Variants in GBE1 observed in about 807,000 individuals in gnomAD.
GBE1 encodes the protein 1,4-alpha-glucan branching enzyme 1.
Under a neutral mutation model 88.8 loss-of-function variants are expected in GBE1, and 70 were observed. That is an observed-to-expected ratio of 0.79 (90% CI 0.65 to 0.96). The LOEUF is 0.96. Among genes scored for constraint, GBE1 ranks in the 40% least tolerant of loss-of-function variants. The probability of loss-of-function intolerance (pLI) is 0.00; values close to 1 mark genes in which losing one functional copy is unlikely to be tolerated. For synonymous variants in GBE1, 284 were observed against 300.1 expected (o/e 0.95, Z 0.56); for missense variants, 872 against 871.0 (o/e 1.00, Z -0.01).
Position 81,638,499 on chromosome 3 carries a change from C to T in GBE1, c.992+4282G>A, listed in dbSNP as rs888441031. ...ATGTAGTGCCAGAGGAATATGCAAACAGAATTTAAAACTGGGACCACTACA... is the reference window on the plus strand; with the variant it reads ...ATGTAGTGCCAGAGGAATATGCAAATAGAATTTAAAACTGGGACCACTACA... On this transcript the variant is annotated intron_variant, in intron 7 of 15. Transcript: ENST00000429644. 5.3e-5 allele frequency among the ~76,000 whole-genome samples: 8 copies of T among 152,184 alleles called. No homozygotes were observed. The South Asian group carries it at 1.5e-3, about 28-fold the overall frequency.
intron 6 of GBE1, among the ~76,000 whole-genome samples, chr3:81,643,444 T>A (rs184088730): frequency 3.3e-5 from 5 of 152,214 alleles, no homozygotes; most frequent in East Asian, 1.9e-4. Flanking sequence ...AAAAACAGAA[T>A]GCCCACAGTT....
intron 14 of GBE1, among the ~76,000 whole-genome samples, chr3:81,519,130 A>G (rs1702837858): frequency 6.6e-6 from 1 of 151,636 alleles, no homozygotes; most frequent in Non-Finnish European, 1.5e-5. Context: ...TAAACCAAGC[A>G]ACTCATAGCA....
intron 2 of GBE1, 129 bp from the exon 3 acceptor site, chr3:81,671,082 T>G (rs1010906928): frequency 4.3e-6 from 2 of 463,170 alleles, no homozygotes; most frequent in Non-Finnish European, 7.5e-6. Context: ...TTTTCTGAAG[T>G]GTTAATCAAA....
intron 2 of GBE1, among the ~76,000 whole-genome samples, chr3:81,686,853 ATTC>A (rs1705449986): frequency 6.6e-6 from 1 of 152,202 alleles, no homozygotes. Flanking sequence ...AAATCTTCTC[ATTC>A]TTATTACGTA....
intron 12 of GBE1, among the ~76,000 whole-genome samples, chr3:81,559,200 A>C (rs908923017): frequency 1.3e-5 from 2 of 152,030 alleles, no homozygotes; most frequent in Admixed American, 1.3e-4. Context: ...ACAAAGTAGA[A>C]CATTTAGTAA....
chr3:81,747,942 A>G (rs535604879), intron 1 of GBE1, among the ~76,000 whole-genome samples: 1 of 152,324 alleles, frequency 6.6e-6, no homozygotes, highest in African/African-American at 2.4e-5. Flanking sequence ...TTTATTGCTC[A>G]CACAAAGCCT....
intron 1 of GBE1, among the ~76,000 whole-genome samples, chr3:81,757,274 G>A (rs1706615891): frequency 6.6e-6 from 1 of 152,116 alleles, no homozygotes; most frequent in Non-Finnish European, 1.5e-5. Flanking sequence ...AAGGTCAACA[G>A]GGACCAGATA....
At position 81,670,924 on chromosome 3, in the gene GBE1, T is replaced by C. The variant is rs1705180182; in HGVS notation, c.343A>G (p.Lys115Glu). The change falls in exon 3 of 16, where the codon AAA becomes GAA. Residue 115 changes from lysine (K) to glutamate (E), a missense_variant. Lys to Glu is a moderately conservative substitution (Grantham distance 56). Transcript: ENST00000429644. ...NGWNPFSYPY[K>E]KLDYGKWELY... Reference sequence around the variant, plus strand: ...TCCCATTTTCCATAATCCAGTTTTTTGTATGGGTACGAAAATGGATTCCAA... The same window carrying C: ...TCCCATTTTCCATAATCCAGTTTTTCGTATGGGTACGAAAATGGATTCCAA... 5 of 1,571,408 alleles carry C rather than the reference T, an allele frequency of 3.2e-6. No individual in the cohort carries two copies. Among genetic ancestry groups the C allele is most frequent in the South Asian group, 1.2e-5 (1 of 82,808 alleles).
chr3:81,657,129 C>T (rs1234827286), intron 3 of GBE1, among the ~76,000 whole-genome samples: 1 of 137,970 alleles, frequency 7.2e-6, no homozygotes, highest in Admixed American at 7.4e-5. Flanking sequence ...GCACTCCAGC[C>T]GTCTCAAAAA....
intron 12 of GBE1, among the ~76,000 whole-genome samples, chr3:81,553,351 A>G (rs1403605617): frequency 2.0e-5 from 3 of 151,860 alleles, no homozygotes; most frequent in Non-Finnish European, 2.9e-5. Context: ...TTTCTTTACT[A>G]ATGAAAGTAT....
chr3:81,638,183 T>G (rs1440482254), intron 7 of GBE1, among the ~76,000 whole-genome samples: 1 of 152,122 alleles, frequency 6.6e-6, no homozygotes, highest in Non-Finnish European at 1.5e-5. Flanking sequence ...CTTTTGTTTC[T>G]GAAAACAACT....
chr3:81,652,751 C>A (rs1005858190), intron 3 of GBE1, among the ~76,000 whole-genome samples: 8 of 152,142 alleles, frequency 5.3e-5, no homozygotes, highest in African/African-American at 1.9e-4. Context: ...TTCTTGTAAT[C>A]TTCATAACCA....
At chr3:81,518,345 G>A (rs974668633) in intron 14 of GBE1, among the ~76,000 whole-genome samples, 1 of 145,064 alleles carries the variant, frequency 6.9e-6, no homozygotes, top group Non-Finnish European at 1.5e-5. Context: ...AAAACAACAG[G>A]CCCCTGGTCC....
At chr3:81,664,810 T>G (rs982641197) in intron 3 of GBE1, among the ~76,000 whole-genome samples, 1 of 152,202 alleles carries the variant, frequency 6.6e-6, no homozygotes, top group Admixed American at 6.5e-5. Context: ...TGACTGTAAA[T>G]GTGACTTCTT....
At chr3:81,560,318 T>C (rs1006007520) in intron 12 of GBE1, among the ~76,000 whole-genome samples, 1 of 151,980 alleles carries the variant, frequency 6.6e-6, no homozygotes, top group Non-Finnish European at 1.5e-5. Context: ...TCAGATAATG[T>C]TTCTTACTAA....
At chr3:81,713,684 A>G (rs1705902789) in intron 1 of GBE1, among the ~76,000 whole-genome samples, 1 of 152,154 alleles carries the variant, frequency 6.6e-6, no homozygotes, top group African/African-American at 2.4e-5. Context: ...ATTTTTGAAA[A>G]CTATTTCTTA....
intron 14 of GBE1, among the ~76,000 whole-genome samples, chr3:81,517,908 T>C (rs1297422783): frequency 1.3e-5 from 2 of 151,314 alleles, no homozygotes; most frequent in African/African-American, 4.8e-5. Context: ...AACCCCTCTA[T>C]CCATACTCCT....
chr3:81,699,243 C>G (rs889023522), intron 2 of GBE1, among the ~76,000 whole-genome samples: 3 of 152,104 alleles, frequency 2.0e-5, no homozygotes, highest in African/African-American at 7.2e-5. Context: ...ATTGAACAAA[C>G]GACTCCTTGA....
At chr3:81,670,764 G>A in intron 3 of GBE1, 74 bp downstream of exon 3, 1 of 792,568 alleles carries the variant, frequency 1.3e-6, no homozygotes, top group Non-Finnish European at 2.0e-6. Context: ...CATTCTAATA[G>A]TTTAAATCAA....
Sources: gnomAD v4.1 joint callset for allele counts (sites outside exome capture counted in the v4.1 genomes callset) on GRCh38, gnomAD v4.1.1 for gene constraint, MANE v1.5 for transcripts, NCBI Gene and HGNC (gene_info 2026-07-23, HGNC 2026-07-21) for gene names.